Variants in HNF4G observed in about 807,000 individuals in gnomAD.
HNF4G encodes hepatocyte nuclear factor 4 gamma, also known as hepatocyte nuclear factor 4-gamma.
A neutral mutation model predicts 50.9 loss-of-function variants in HNF4G; 21 were observed. The observed-to-expected ratio is 0.41, with a 90% CI of 0.29 to 0.59. The LOEUF (loss-of-function observed/expected upper bound fraction) is 0.59, where lower values mean the gene tolerates loss of function less well. HNF4G is among the 20% of genes least tolerant of loss of function. The pLI is 0.26. For synonymous variants in HNF4G, 198 were observed against 185.6 expected, an observed-to-expected ratio of 1.07 and a Z score of -0.54; for missense variants, 527 against 559.4, an observed-to-expected ratio of 0.94 and a Z score of 0.58.
intron 1 of HNF4G, among the ~76,000 whole-genome samples, chr8:75,420,335 A>G (rs1047186602): frequency 6.6e-6 from 1 of 152,240 alleles, no homozygotes; most frequent in Non-Finnish European, 1.5e-5. Flanking sequence ...CTTAAAACTT[A>G]AATAAGAATA....
At chr8:75,553,229 A>G in intron 5 of HNF4G, 32 bp downstream of exon 5, 1 of 1,569,668 alleles carries the variant, frequency 6.4e-7, no homozygotes, top group Non-Finnish European at 8.7e-7. Flanking sequence ...AATGCTTTAA[A>G]AATGCTTCTT....
rs146985670 is a variant in HNF4G, at chr8:75,416,476, G to A, written c.-144+8314G>A. Among the ~76,000 whole-genome samples, 1,183 of 151,978 alleles carry A rather than the reference G, an allele frequency of 7.8e-3. 18 individuals are homozygous for A. The highest frequency in any genetic ancestry group is 0.026 in the African/African-American group (1,090 of 41,436). ...TTAACTCCTATAGGTTCTTTTTATG[G>A]TAAAGTACCAGTGGCTTATAACCGA... On this transcript the variant is annotated intron_variant, in intron 1 of 10. Coordinates refer to the HNF4G transcript ENST00000354370.
chr8:75,558,371 A>G (rs1807192238), intron 6 of HNF4G, 147 bp from the exon 7 acceptor site: 5 of 657,348 alleles, frequency 7.6e-6, no homozygotes, highest in Admixed American at 3.4e-5. Context: ...AGCATAACTA[A>G]CAACACCACT....
chr8:75,422,518 A>G (rs1466710797), intron 1 of HNF4G, among the ~76,000 whole-genome samples: 1 of 152,228 alleles, frequency 6.6e-6, no homozygotes. Context: ...TAAATATATT[A>G]ACTTTGTAAG....
intron 1 of HNF4G, among the ~76,000 whole-genome samples, chr8:75,434,224 G>A (rs967739492): frequency 6.6e-5 from 10 of 151,644 alleles, no homozygotes; most frequent in Non-Finnish European, 1.3e-4. Context: ...GGATGGTCTC[G>A]ATCTCCTGAC....
At chr8:75,533,738 T>C (rs944648965) in intron 2 of HNF4G, among the ~76,000 whole-genome samples, 1 of 151,890 alleles carries the variant, frequency 6.6e-6, no homozygotes, top group Non-Finnish European at 1.5e-5. Flanking sequence ...CCTACCTCTA[T>C]TAAATGGAGA....
intron 2 of HNF4G, among the ~76,000 whole-genome samples, chr8:75,505,831 C>A (rs996467416): frequency 2.6e-5 from 4 of 151,990 alleles, no homozygotes; most frequent in African/African-American, 9.7e-5. Context: ...TTTGTAGAGA[C>A]ACAAACTCTG....
intron 1 of HNF4G, among the ~76,000 whole-genome samples, chr8:75,487,922 G>C (rs1215706777): frequency 6.6e-6 from 1 of 152,148 alleles, no homozygotes; most frequent in African/African-American, 2.4e-5. Flanking sequence ...CTTGGCAGCA[G>C]CAAGGAGAAG....
intron 1 of HNF4G, among the ~76,000 whole-genome samples, chr8:75,446,812 C>T (rs1399657005): frequency 8.6e-5 from 10 of 116,190 alleles, no homozygotes; most frequent in Non-Finnish European, 1.7e-4. Flanking sequence ...ACATTCCATA[C>T]TCATGGGTAG....
At chr8:75,525,508 A>G (rs544214897) in intron 2 of HNF4G, among the ~76,000 whole-genome samples, 7 of 152,266 alleles carry the variant, frequency 4.6e-5, no homozygotes, top group Admixed American at 4.6e-4. Context: ...TTAATGAGCA[A>G]TTATTACCCT....
intron 2 of HNF4G, among the ~76,000 whole-genome samples, chr8:75,509,366 C>A (rs940426573): frequency 1.3e-5 from 2 of 152,098 alleles, no homozygotes; most frequent in Admixed American, 1.3e-4. Flanking sequence ...TCTGAAGAGA[C>A]CACATGCCAA....
At chr8:75,557,117 T>C (rs1363304988) in intron 6 of HNF4G, among the ~76,000 whole-genome samples, 1 of 152,190 alleles carries the variant, frequency 6.6e-6, no homozygotes. Context: ...AATACTGTTC[T>C]TGTTATAGAC....
At chr8:75,441,406 C>T (rs6983763) in intron 1 of HNF4G, among the ~76,000 whole-genome samples, 12 of 152,002 alleles carry the variant, frequency 7.9e-5, no homozygotes, top group Admixed American at 3.9e-4. Flanking sequence ...CCACCACACC[C>T]GGCTAATATT....
chr8:75,564,224 C>T lies in HNF4G; in HGVS notation c.*128C>T. On this transcript the variant is annotated 3_prime_UTR_variant, in exon 10 of 10. Coordinates refer to ENST00000396423, the MANE Select transcript of HNF4G (RefSeq NM_004133.5). ...CATTGGTGCTGTTATAAGATGGTGT[C>T]CTATTTTCTTGTTTATACGTTCATT... is the stretch of plus-strand genomic sequence containing the variant. 3.4e-6 allele frequency: 3 copies of T among 892,740 alleles called. No homozygotes were observed. The highest frequency in any genetic ancestry group is 5.1e-5 in the East Asian group (2 of 38,884). 55.3% of individuals were successfully genotyped at this position (892,740 alleles called of 1,614,324 possible).
rs578191373 is a variant in HNF4G at position 75,490,488 on chromosome 8, C to T, written c.-24+280C>T. 5.1e-4 allele frequency among the ~76,000 whole-genome samples: 77 copies of T among 152,088 alleles called. 1 individual carries two copies. In the South Asian group the frequency reaches 6.9e-3, roughly 14 times the overall value. ...AAAATATCATAAATGTTTATATGCA[C>T]GTTTGGAGCCTGGCACTGGGCACTT... On this transcript the variant is annotated intron_variant, in intron 2 of 10. Coordinates refer to the HNF4G transcript ENST00000354370.
intron 1 of HNF4G, among the ~76,000 whole-genome samples, chr8:75,484,318 G>GA (rs1486275180): frequency 3.7e-4 from 56 of 152,196 alleles, no homozygotes; most frequent in African/African-American, 1.3e-3. Context: ...ATGGAAAATG[G>GA]AAAAAAGCTC....
chr8:75,551,420 A>T lies in HNF4G; in HGVS notation c.415A>T (p.Arg139Ter). The T allele has an allele frequency of 6.2e-7, 1 of 1,613,222 alleles. No homozygotes were observed. The highest frequency in any genetic ancestry group is 8.5e-7 in the Non-Finnish European group (1 of 1,179,308). ...VQNERDRIST[R>*]RSTFDGSNIP... ...AAATGAACGTGACAGAATAAGCACC[A>T]GAAGAAGCACATTTGATGGCAGCAA... The change falls in exon 4 of 10, where the codon AGA becomes TGA. Residue 139 changes from arginine (R) to a stop codon, truncating the protein, a stop_gained. Transcript: ENST00000396423. LOFTEE classifies it high-confidence loss of function.
chr8:75,549,833 C>T (rs935655295), intron 3 of HNF4G, among the ~76,000 whole-genome samples: 1 of 151,664 alleles, frequency 6.6e-6, no homozygotes, highest in East Asian at 1.9e-4. Context: ...TTGTTCAATT[C>T]CCATCTATGA....
chr8:75,552,203 T>C (rs1189959121), intron 4 of HNF4G, among the ~76,000 whole-genome samples: 2 of 152,120 alleles, frequency 1.3e-5, no homozygotes, highest in Non-Finnish European at 2.9e-5. Context: ...ACTACTTTCA[T>C]TTTTGATAAC....
Sources: allele counts gnomAD v4.1 joint callset (sites outside exome capture counted in the v4.1 genomes callset), GRCh38; gene constraint gnomAD v4.1.1; transcripts MANE v1.5; gene names NCBI Gene and HGNC (gene_info 2026-07-23, HGNC 2026-07-21).